CLEC20A: variants seen among roughly 807,000 people sequenced by gnomAD.
The protein encoded by CLEC20A is putative C-type lectin domain family 20 member A.
rs74129212 is a variant in CLEC20A at position 178,492,292 on chromosome 1, A to G, written c.463+209T>C. On this transcript the variant is annotated intron_variant, in intron 3 of 7. Coordinates refer to ENST00000623247, the Ensembl canonical transcript of CLEC20A. ...CCATCCGTGTCTTAAAAAAATAAAA[A>G]ATAAAAAATAAAAATAAGGACATTG... Among the ~76,000 whole-genome samples the G allele has an allele frequency of 5.9e-3, 877 of 149,632 alleles. 9 individuals are homozygous for G. Among genetic ancestry groups the G allele is most frequent in the African/African-American group, 0.02 (815 of 41,300 alleles).
At chr1:178,498,797 C>T (rs997708073), upstream of CLEC20A, among the ~76,000 whole-genome samples, 9 of 152,102 alleles carry the variant, frequency 5.9e-5, no homozygotes, top group East Asian at 1.9e-4. Context: ...TTTTTCCTAC[C>T]CCCTACCCCT....
intron 2 of CLEC20A, among the ~76,000 whole-genome samples, chr1:178,492,777 C>G (rs977163330): frequency 8.5e-5 from 13 of 152,198 alleles, no homozygotes; most frequent in African/African-American, 3.1e-4. Context: ...AGAAATAAGA[C>G]AAGCGGAGTC....
rs567211753 is a variant in CLEC20A, at chr1:178,488,933, G to A, written c.830-334C>T. ...TTTGTGGTTGCCGGTGGGGCGGAGA[G>A]GGAGTGACTTCTACCGGGTAAGGGG... On this transcript the variant is annotated intron_variant, in intron 4 of 7. Transcript: ENST00000623247. 4.7e-4 allele frequency among the ~76,000 whole-genome samples: 72 copies of A among 152,286 alleles called. 4 individuals carry two copies. The South Asian group carries it at 0.015, about 31-fold the overall frequency.
At chr1:178,490,886 C>A (rs186784805) in intron 3 of CLEC20A, among the ~76,000 whole-genome samples, 46 of 152,294 alleles carry the variant, frequency 3.0e-4, no homozygotes, top group African/African-American at 1.1e-3. Context: ...TGGTTTGGGG[C>A]CACCCTCCAG....
intron 3 of CLEC20A, among the ~76,000 whole-genome samples, chr1:178,491,992 A>G (rs142446850): frequency 5.9e-5 from 9 of 152,224 alleles, no homozygotes; most frequent in South Asian, 2.1e-4. Context: ...CATCAGAATA[A>G]TAAAGACAAT....
intron 3 of CLEC20A, among the ~76,000 whole-genome samples, chr1:178,491,370 T>G (rs1160466580): frequency 6.6e-6 from 1 of 152,130 alleles, no homozygotes; most frequent in African/African-American, 2.4e-5. Context: ...CCTCCCAAAC[T>G]CGGACATGAG....
At chr1:178,485,684 A>G (rs1227541493) in intron 5 of CLEC20A, among the ~76,000 whole-genome samples, 2 of 152,202 alleles carry the variant, frequency 1.3e-5, no homozygotes, top group Non-Finnish European at 2.9e-5. Flanking sequence ...AGCCCTGCTC[A>G]TCTTGGTATC....
chr1:178,483,328 G>T (rs947978130), intron 5 of CLEC20A, 46 bp from the exon 6 acceptor site: 19 of 398,350 alleles, frequency 4.8e-5, no homozygotes, highest in Non-Finnish European at 8.4e-5. Context: ...ACAACCAGGA[G>T]TAAGGTGGCC....
At chr1:178,495,240 T>C (rs6679792) in intron 1 of CLEC20A, among the ~76,000 whole-genome samples, 7,609 of 152,278 alleles carry the variant, frequency 0.05, 686 homozygotes, top group African/African-American at 0.17. Context: ...CTGCCTAAGA[T>C]AGCACTCTGT....
intron 1 of CLEC20A, among the ~76,000 whole-genome samples, chr1:178,495,640 A>G (rs915053965): frequency 6.6e-6 from 1 of 152,066 alleles, no homozygotes; most frequent in Admixed American, 6.5e-5. Flanking sequence ...GCCACATCAC[A>G]AGGGCTCAAT....
chr1:178,491,529 A>C (rs143795400), intron 3 of CLEC20A, among the ~76,000 whole-genome samples: 217 of 152,196 alleles, frequency 1.4e-3, no homozygotes, highest in African/African-American at 5.0e-3. Flanking sequence ...TGAAAACCCC[A>C]CTACCATCCT....
At chr1:178,488,909 T>C (rs996037891) in intron 4 of CLEC20A, among the ~76,000 whole-genome samples, 2 of 151,772 alleles carry the variant, frequency 1.3e-5, no homozygotes, top group African/African-American at 4.8e-5. Context: ...GAAAATAGGT[T>C]TGTGGTTGCC....
chr1:178,485,440 C>T (rs1203087337), intron 5 of CLEC20A, among the ~76,000 whole-genome samples: 1 of 152,214 alleles, frequency 6.6e-6, no homozygotes, highest in Non-Finnish European at 1.5e-5. Flanking sequence ...TACAGTTTGA[C>T]ATCTGTCTTT....
chr1:178,479,514 A>T (rs1006312126), exon 8 of CLEC20A: 5 of 398,336 alleles, frequency 1.3e-5, no homozygotes, highest in Non-Finnish European at 1.8e-5. Context: ...TGAAACAGAA[A>T]CTGCATATCC....
chr1:178,490,140 TAGATGCCAAG>T lies in CLEC20A; in HGVS notation c.751_760del (p.Leu251IlefsTer2). On this transcript the variant is annotated frameshift_variant, in exon 4 of 8. Coordinates refer to ENST00000623247, the Ensembl canonical transcript of CLEC20A. LOFTEE classifies it high-confidence loss of function. ...GTACACTTTTGGGGAGTAGGTCATA[TAGATGCCAAG>T]AGCTGTGCACAGTCCTCTCACCATC... is the stretch of plus-strand genomic sequence containing the variant. 1 of 398,702 alleles carries T rather than the reference TAGATGCCAAG, an allele frequency of 2.5e-6. No homozygotes were observed. The highest frequency in any genetic ancestry group is 4.4e-6 in the Non-Finnish European group (1 of 226,114). 24.7% of individuals were successfully genotyped at this position (398,702 alleles called of 1,614,324 possible).
chr1:178,499,198 C>G (rs1178958118), upstream of CLEC20A, among the ~76,000 whole-genome samples: 1 of 152,212 alleles, frequency 6.6e-6, no homozygotes, highest in African/African-American at 2.4e-5. Context: ...ACTGTGAGCT[C>G]CTTGAGAGCA....
At chr1:178,496,309 C>T (rs1572160919) in intron 1 of CLEC20A, 2 of 152,990 alleles carry the variant, frequency 1.3e-5, no homozygotes, top group Admixed American at 1.3e-4. Flanking sequence ...CCTCGGCAGT[C>T]CCCACACGCC....
At chr1:178,483,901 T>C (rs1649062034) in intron 5 of CLEC20A, 1 of 152,238 alleles carries the variant, frequency 6.6e-6, no homozygotes, top group Non-Finnish European at 1.5e-5. Flanking sequence ...AATATATTAT[T>C]GTAAAATATG....
chr1:178,497,045 C>A, upstream of CLEC20A: 1 of 398,898 alleles, frequency 2.5e-6, no homozygotes, highest in Non-Finnish European at 4.4e-6. Context: ...TCTGGCCTTT[C>A]ATTCCTTGCT....
Sources: allele counts gnomAD v4.1 joint callset (sites outside exome capture counted in the v4.1 genomes callset), GRCh38; gene constraint gnomAD v4.1.1; transcripts MANE v1.5; gene names NCBI Gene and HGNC (gene_info 2026-07-23, HGNC 2026-07-21).